The following LSS variants were observed in gnomAD, a reference collection of about 807,000 sequenced individuals.
LSS encodes lanosterol synthase.
LSS carries 90 observed loss-of-function variants against 110.3 expected under a neutral mutation model. That is an observed-to-expected ratio of 0.82 (90% CI 0.69 to 0.97). The LOEUF (loss-of-function observed/expected upper bound fraction) is 0.97. Among genes scored for constraint, LSS ranks in the 50% least tolerant of loss-of-function variants. The probability of loss-of-function intolerance (pLI) is 0.00; values close to 1 mark genes in which losing one functional copy is unlikely to be tolerated. For synonymous variants in LSS, 433 were observed against 400.0 expected (o/e 1.08, Z -0.98); for missense variants, 927 against 990.0 (o/e 0.94, Z 0.85).
At chr21:46,220,355 C>T (rs2080259998) in intron 5 of LSS, 1 of 152,242 alleles carries the variant, frequency 6.6e-6, no homozygotes, top group Non-Finnish European at 1.5e-5. Flanking sequence ...ACAAGCTCAC[C>T]AAGAAAGAAG....
rs2123680056 is a variant in LSS, at chr21:46,190,735, G to A, written c.*369C>T. On this transcript the variant is annotated 3_prime_UTR_variant, in exon 22 of 22. Coordinates refer to ENST00000397728, the MANE Select transcript of LSS (RefSeq NM_002340.6). This position sits in a 1 kb window ranked among gnomAD's most constrained non-coding sequence, Gnocchi z 4.6. ...CACTCGACACTAAGGAATCACACAG[G>A]CACAGCTGCTCCTCTCCCAAGAACT... is the stretch of plus-strand genomic sequence containing the variant. 4.2e-6 allele frequency: 1 copy of A among 235,614 alleles called. No homozygotes were observed. The allele number at this position is 235,614 out of a possible 1,614,324, so 14.6% of individuals were successfully genotyped here. A position where few individuals can be genotyped will look rare whatever the true frequency, so the allele number is the denominator to read the frequency against.
intron 6 of LSS, among the ~76,000 whole-genome samples, chr21:46,217,193 G>A (rs1222390497): frequency 2.0e-5 from 3 of 146,814 alleles, no homozygotes; most frequent in South Asian, 2.1e-4. Context: ...GCAGTGAGCC[G>A]AGATTGTGCC....
rs1190665299 is a variant in LSS, at chr21:46,222,528, T to C, written c.428+102A>G. On this transcript the variant is annotated intron_variant, in intron 4 of 21. Coordinates refer to ENST00000397728, the MANE Select transcript of LSS (RefSeq NM_002340.6). The stretch of plus-strand genomic sequence containing the variant: ...ACCCACCCCACACCCACAGCTGCAA[T>C]CACTCCTAACCCCTGGCAGCTGCCT... 11 of 992,984 alleles carry C rather than the reference T, an allele frequency of 1.1e-5. No individual in the cohort carries two copies. In the African/African-American group the frequency reaches 1.1e-4, roughly 10 times the overall value. 61.5% of individuals were successfully genotyped at this position (992,984 alleles called of 1,614,324 possible). A position where few individuals can be genotyped will look rare whatever the true frequency, so the allele number is the denominator to read the frequency against.
intron 3 of LSS, chr21:46,225,402 G>T (rs2080325248): frequency 2.2e-6 from 1 of 449,854 alleles, no homozygotes; most frequent in African/African-American, 2.1e-5. Context: ...TCTAGCGGTA[G>T]CGTCAGTGTC....
At chr21:46,201,756 C>A (rs1304524818) in intron 17 of LSS, among the ~76,000 whole-genome samples, 1 of 151,772 alleles carries the variant, frequency 6.6e-6, no homozygotes, top group African/African-American at 2.4e-5. Flanking sequence ...AAGTAACTTG[C>A]AACTCCAAAC....
chr21:46,197,641 G>C (rs1038315166), intron 17 of LSS, among the ~76,000 whole-genome samples: 3 of 152,222 alleles, frequency 2.0e-5, no homozygotes, highest in Non-Finnish European at 4.4e-5. Context: ...TGTAATCCCA[G>C]CACTTTGGGA....
chr21:46,213,986 A>T, intron 9 of LSS, 151 bp from the exon 10 acceptor site: 1 of 650,020 alleles, frequency 1.5e-6, no homozygotes, highest in East Asian at 2.7e-5. Context: ...TCTAACAGGC[A>T]TTTCCTGAGC....
At chr21:46,205,118 G>A (rs1452417868) in intron 17 of LSS, among the ~76,000 whole-genome samples, 2 of 152,160 alleles carry the variant, frequency 1.3e-5, no homozygotes, top group African/African-American at 4.8e-5. Context: ...TGGGTACCCA[G>A]GTGCCCCCAA....
rs1389501913 is a variant in LSS, at chr21:46,216,372, C to T, written c.783+17G>A. On this transcript the variant is annotated intron_variant, in intron 7 of 21. Transcript: ENST00000397728. The surrounding 1 kb of genome is among the most constrained non-coding windows in gnomAD (Gnocchi z 4.2). ...CAGCCCCAGAGGCCTTCACTTTGTTCCCTGATGAGGTCCTACCTGGCGGAG... is the reference window on the plus strand; with the variant it reads ...CAGCCCCAGAGGCCTTCACTTTGTTTCCTGATGAGGTCCTACCTGGCGGAG... The T allele has an allele frequency of 6.2e-7, 1 of 1,613,490 alleles. No individual in the cohort carries two copies. The highest frequency in any genetic ancestry group is 1.1e-5 in the South Asian group (1 of 91,074).
chr21:46,198,217 T>A (rs1195901532), intron 17 of LSS, among the ~76,000 whole-genome samples: 1 of 150,528 alleles, frequency 6.6e-6, no homozygotes, highest in African/African-American at 2.5e-5. Flanking sequence ...CAGTGAGCTA[T>A]GATGGCACCA....
chr21:46,211,555 C>G (rs574749903), intron 11 of LSS, among the ~76,000 whole-genome samples: 5 of 152,288 alleles, frequency 3.3e-5, no homozygotes, highest in African/African-American at 7.2e-5. Flanking sequence ...TTCAAAGGGC[C>G]GGTGACCAAA....
Position 46,216,672 on chromosome 21 carries a change from G to T in LSS, c.648-148C>A. The T allele has an allele frequency of 1.9e-6, 2 of 1,063,228 alleles. No homozygotes were observed. The highest frequency in any genetic ancestry group is 2.6e-6 in the Non-Finnish European group (2 of 761,454). The allele number at this position is 1,063,228 out of a possible 1,614,324, so 65.9% of individuals were successfully genotyped here. On this transcript the variant is annotated intron_variant, in intron 6 of 21. Transcript: ENST00000397728. The surrounding 1 kb of genome is among the most constrained non-coding windows in gnomAD (Gnocchi z 4.2). The stretch of plus-strand genomic sequence containing the variant: ...GTGCATCTGCGGGCATTTCCCAACC[G>T]TGCTCCTGAGGGGCACAGTTGAACC...
At chr21:46,224,290 C>G (rs974738130) in intron 3 of LSS, among the ~76,000 whole-genome samples, 1 of 152,238 alleles carries the variant, frequency 6.6e-6, no homozygotes, top group Admixed American at 6.5e-5. Flanking sequence ...GACTCACACT[C>G]TTTACCCTGC....
chr21:46,194,853 G>C (rs899723846), intron 19 of LSS, among the ~76,000 whole-genome samples, 192 bp from the exon 20 acceptor site: 1 of 152,254 alleles, frequency 6.6e-6, no homozygotes, highest in African/African-American at 2.4e-5. Flanking sequence ...AGATACTCCT[G>C]CCTCCCAGAG....
chr21:46,225,380 A>C (rs1386179395), intron 3 of LSS: 1 of 453,222 alleles, frequency 2.2e-6, no homozygotes, highest in Non-Finnish European at 4.4e-6. Context: ...TGCCAAGCGG[A>C]CCCAACCGTG....
At chr21:46,224,514 A>G (rs6518284) in intron 3 of LSS, 129,855 of 152,188 alleles carry the variant, frequency 0.85, 56,039 homozygotes, top group African/African-American at 0.93. Context: ...AGGGCAGATG[A>G]ACTCAGAGAC....
rs951813629 is a variant in LSS, at chr21:46,209,387, G to A, written c.1266+167C>T. ...AGGTGAGGCCAGCCCGAGGAGGACC[G>A]GTGGATGGAGCAGGGGCTAGGGAGG... On this transcript the variant is annotated intron_variant, in intron 13 of 21. Coordinates refer to ENST00000397728, the MANE Select transcript of LSS (RefSeq NM_002340.6). The surrounding 1 kb of genome is among the most constrained non-coding windows in gnomAD (Gnocchi z 4.4). Among the ~76,000 whole-genome samples, 11 of 152,230 alleles carry A rather than the reference G, an allele frequency of 7.2e-5. No homozygotes were observed. The South Asian group carries it at 1.5e-3, about 20-fold the overall frequency.
At chr21:46,195,175 G>C (rs960399366) in intron 19 of LSS, among the ~76,000 whole-genome samples, 1 of 152,244 alleles carries the variant, frequency 6.6e-6, no homozygotes, top group African/African-American at 2.4e-5. Flanking sequence ...ATGCCTGGAG[G>C]GGCCGGAGAC....
In LSS at chr21:46,228,613, G is replaced by A; in HGVS notation, c.15-14C>T. The A allele has an allele frequency of 1.3e-6, 2 of 1,591,814 alleles. No individual in the cohort carries two copies. The highest frequency in any genetic ancestry group is 8.5e-7 in the Non-Finnish European group (1 of 1,175,842). The stretch of plus-strand genomic sequence containing the variant: ...CGCCGCAGACACCTGAGGACCACCG[G>A]CCATCAGCGACCCAGGCCCCGCCCC... On this transcript the variant is annotated splice_polypyrimidine_tract_variant and intron_variant, in intron 1 of 21. Transcript: ENST00000397728.
Sources: gnomAD v4.1 joint callset for allele counts (sites outside exome capture counted in the v4.1 genomes callset) on GRCh38, gnomAD v4.1.1 for gene constraint, Gnocchi (gnomAD v3.1) non-coding constraint, MANE v1.5 for transcripts, NCBI Gene and HGNC (gene_info 2026-07-23, HGNC 2026-07-21) for gene names.